The following MCTP2 variants were observed in gnomAD, a reference collection of about 807,000 sequenced individuals.
MCTP2 encodes the protein multiple C2 and transmembrane domain containing 2, also known as multiple C2 and transmembrane domain-containing protein 2.
Under a neutral mutation model 111.6 loss-of-function variants are expected in MCTP2, and 132 were observed. The observed-to-expected ratio is 1.18, with a 90% CI of 1.03 to 1.37. The LOEUF (loss-of-function observed/expected upper bound fraction) is 1.37. Among genes scored for constraint, MCTP2 ranks in the 40% most tolerant of loss-of-function variants. MCTP2 has a pLI of 0.00. For synonymous variants in MCTP2, 395 were observed against 387.7 expected, an observed-to-expected ratio of 1.02 and a Z score of -0.22; for missense variants, 1,183 against 1,067.9, an observed-to-expected ratio of 1.11 and a Z score of -1.50.
intron 12 of MCTP2, among the ~76,000 whole-genome samples, chr15:94,383,567 C>T (rs1481283944): frequency 3.9e-5 from 6 of 152,196 alleles, no homozygotes; most frequent in South Asian, 4.1e-4. Context: ...TAGCAGAAGG[C>T]GAGTCACGTC....
intron 22 of MCTP2, 35 bp from the exon 23 acceptor site, chr15:94,478,931 C>G: frequency 6.2e-7 from 1 of 1,607,364 alleles, no homozygotes; most frequent in Non-Finnish European, 8.5e-7. Flanking sequence ...CTAGGGTTAC[C>G]TAACCGCCAG....
intron 20 of MCTP2, among the ~76,000 whole-genome samples, chr15:94,461,400 C>T (rs533865114): frequency 1.3e-5 from 2 of 152,130 alleles, no homozygotes; most frequent in Non-Finnish European, 2.9e-5. Context: ...GCGGAGGTTG[C>T]AGTGAGCCGA....
In MCTP2 at chr15:94,367,742, T is replaced by C; in HGVS notation, c.1439T>C (p.Val480Ala). The C allele has an allele frequency of 6.2e-7, 1 of 1,609,044 alleles. No individual in the cohort carries two copies. The highest frequency in any genetic ancestry group is 8.5e-7 in the Non-Finnish European group (1 of 1,177,878). Residue 480 changes from valine to alanine, a missense_variant, in exon 11 of 23, where the codon GTC (valine) becomes GCC (alanine). Physicochemically the swap from Val to Ala is moderately conservative, Grantham distance 64. Transcript: ENST00000357742. ...CAGVSVSDLC[V>A]CPLADLSERK... ...GGGGTCTCCGTCTCTGATCTGTGTGTCTGCCCCTTAGCAGACCTCAGCGAA... is the reference window on the plus strand; with the variant it reads ...GGGGTCTCCGTCTCTGATCTGTGTGCCTGCCCCTTAGCAGACCTCAGCGAA...
At chr15:94,234,936 A>C (rs2070439951) in intron 1 of MCTP2, among the ~76,000 whole-genome samples, 1 of 152,086 alleles carries the variant, frequency 6.6e-6, no homozygotes, top group Admixed American at 6.6e-5. Context: ...GGGTCATTCT[A>C]AGTGAGCAGA....
intron 14 of MCTP2, among the ~76,000 whole-genome samples, chr15:94,390,370 A>G (rs910923603): frequency 6.6e-6 from 1 of 152,174 alleles, no homozygotes; most frequent in African/African-American, 2.4e-5. Flanking sequence ...CAGTAACACA[A>G]TAAGTGTGCA....
chr15:94,295,960 G>T (rs1241482243), intron 1 of MCTP2, among the ~76,000 whole-genome samples: 2 of 151,544 alleles, frequency 1.3e-5, no homozygotes, highest in Non-Finnish European at 2.9e-5. Flanking sequence ...TGTGGAATTT[G>T]TATAAATTCT....
intron 20 of MCTP2, among the ~76,000 whole-genome samples, chr15:94,459,205 G>A (rs577187007): frequency 7.2e-5 from 11 of 152,074 alleles, no homozygotes; most frequent in South Asian, 6.2e-4. Context: ...TTTATTGGTC[G>A]TGTCTACGGG....
chr15:94,244,620 A>G (rs903825984), intron 1 of MCTP2, among the ~76,000 whole-genome samples: 15 of 148,450 alleles, frequency 1.0e-4, no homozygotes, highest in Non-Finnish European at 1.6e-4. Flanking sequence ...ATATGTATAC[A>G]CATACATATG....
At chr15:94,264,428 G>A (rs1222245841) in intron 1 of MCTP2, among the ~76,000 whole-genome samples, 2 of 152,018 alleles carry the variant, frequency 1.3e-5, no homozygotes, top group Non-Finnish European at 1.5e-5. Flanking sequence ...CTAACACAGC[G>A]AAACCCTGTC....
At chr15:94,330,865 G>A (rs2077102332) in intron 4 of MCTP2, among the ~76,000 whole-genome samples, 1 of 149,054 alleles carries the variant, frequency 6.7e-6, no homozygotes, top group East Asian at 1.9e-4. Flanking sequence ...CCCCCAAGTA[G>A]CTGGGACAAA....
chr15:94,411,935 G>C (rs542331785), intron 17 of MCTP2, among the ~76,000 whole-genome samples: 4 of 152,082 alleles, frequency 2.6e-5, no homozygotes, highest in Middle Eastern at 3.4e-3. Flanking sequence ...TAAAATTTCT[G>C]TTTTAATTCA....
intron 20 of MCTP2, among the ~76,000 whole-genome samples, chr15:94,458,450 G>A (rs749660800): frequency 1.3e-5 from 2 of 152,134 alleles, no homozygotes; most frequent in African/African-American, 4.8e-5. Flanking sequence ...GTGACCATAC[G>A]GCCCAGTTTA....
intron 2 of MCTP2, among the ~76,000 whole-genome samples, chr15:94,303,066 A>ATATATATATAGTTTATATATATATAGTT (rs2075704292): frequency 6.8e-6 from 1 of 145,986 alleles, no homozygotes; most frequent in South Asian, 2.1e-4. Context: ...AATGGAATAT[A>ATATATATATAGTTTATATATATATAGTT]TATATATAGT....
intron 7 of MCTP2, chr15:94,341,161 A>C: frequency 2.2e-6 from 1 of 444,672 alleles, no homozygotes; most frequent in South Asian, 2.9e-5. Flanking sequence ...ATGATCAGGC[A>C]TACATTTGCA....
intron 1 of MCTP2, chr15:94,278,392 C>T (rs2074317516): frequency 6.6e-6 from 1 of 152,122 alleles, no homozygotes; most frequent in Non-Finnish European, 1.5e-5. Flanking sequence ...TGGGGTTGGT[C>T]TTTGCAGTAA....
chr15:94,336,737 A>ATATGTG (rs2077381712), intron 4 of MCTP2, among the ~76,000 whole-genome samples: 1 of 113,158 alleles, frequency 8.8e-6, no homozygotes, highest in African/African-American at 3.5e-5. Flanking sequence ...TTATGTGCAT[A>ATATGTG]TATGTGTGTG....
chr15:94,244,483 T>C (rs1354295397), intron 1 of MCTP2, among the ~76,000 whole-genome samples: 11 of 148,312 alleles, frequency 7.4e-5, no homozygotes, highest in African/African-American at 2.7e-4. Context: ...CCTATGTTTA[T>C]ATACGTATAT....
chr15:94,450,992 G>A (rs1182346613), intron 19 of MCTP2, among the ~76,000 whole-genome samples: 2 of 152,144 alleles, frequency 1.3e-5, no homozygotes, highest in Non-Finnish European at 2.9e-5. Flanking sequence ...TGCACCTATG[G>A]TGCTATACTC....
In MCTP2 at chr15:94,418,083, ATCTT is replaced by A. The variant is rs531662987; in HGVS notation, c.2085+16068_2085+16071del. On this transcript the variant is annotated intron_variant, in intron 17 of 22. Coordinates refer to ENST00000357742, the MANE Select transcript of MCTP2 (RefSeq NM_001385001.1). ...TTTTTTCTGTGTTCGTTCTGATCTAATCTTTCTATGAACATAAAGGAGTAAGTCA... is the reference window on the plus strand; with the variant it reads ...TTTTTTCTGTGTTCGTTCTGATCTAATCTATGAACATAAAGGAGTAAGTCA... Among the ~76,000 whole-genome samples the A allele has an allele frequency of 1.9e-3, 296 of 152,244 alleles. 1 individual carries two copies. Among genetic ancestry groups the A allele is most frequent in the African/African-American group, 6.7e-3 (278 of 41,554 alleles).
Sources: allele counts gnomAD v4.1 joint callset (sites outside exome capture counted in the v4.1 genomes callset), GRCh38; gene constraint gnomAD v4.1.1; transcripts MANE v1.5; gene names NCBI Gene and HGNC (gene_info 2026-07-23, HGNC 2026-07-21).